Variants in ARSF observed in about 807,000 individuals in gnomAD.
ARSF encodes arylsulfatase F.
ARSF carries 33 observed loss-of-function variants against 35.4 expected under a neutral mutation model. The observed-to-expected ratio is 0.93, with a 90% CI of 0.71 to 1.25. The LOEUF is 1.25. Among genes scored for constraint, ARSF ranks in the 50% most tolerant of loss-of-function variants. The probability of loss-of-function intolerance (pLI) is 0.00; values close to 1 mark genes in which losing one functional copy is unlikely to be tolerated. For missense variants in ARSF, 501 were observed against 480.2 expected, an observed-to-expected ratio of 1.04 and a Z score of -0.40; for synonymous variants, 222 against 193.1, an observed-to-expected ratio of 1.15 and a Z score of -1.24.
At chrX:3,094,860 C>A (rs1286147207) in intron 7 of ARSF, among the ~76,000 whole-genome samples, 1 of 108,240 alleles carries the variant, frequency 9.2e-6, no homozygotes, top group African/African-American at 3.3e-5. Flanking sequence ...TAACTTAACC[C>A]TTTATAATAT....
chrX:3,088,430 C>T (rs1032569621), intron 6 of ARSF, among the ~76,000 whole-genome samples: 2 of 111,781 alleles, frequency 1.8e-5, no homozygotes, highest in African/African-American at 6.5e-5. Context: ...GTGATGGTGT[C>T]ACAGGACTAC....
At chrX:3,086,738 A>C (rs1470050557) in intron 6 of ARSF, among the ~76,000 whole-genome samples, 1 of 111,730 alleles carries the variant, frequency 9.0e-6, no homozygotes, top group Non-Finnish European at 1.9e-5. Flanking sequence ...GGATTAGTTG[A>C]GCCTGGGAGG....
chrX:3,095,751 T>C (rs73193045), intron 7 of ARSF, among the ~76,000 whole-genome samples: 2,401 of 110,079 alleles, frequency 0.022, 30 homozygotes, highest in Middle Eastern at 0.039. Flanking sequence ...ATTTTTACTT[T>C]TAAGCATAAT....
chrX:3,050,036 A>G (rs2147474931), intron 1 of ARSF, among the ~76,000 whole-genome samples: 1 of 109,790 alleles, frequency 9.1e-6, no homozygotes, highest in East Asian at 2.9e-4. Context: ...ATTTTTTTGT[A>G]TTTTTAGTAG....
chrX:3,085,012 G>A (rs938359573), intron 6 of ARSF, among the ~76,000 whole-genome samples: 2 of 110,858 alleles, frequency 1.8e-5, no homozygotes, highest in Non-Finnish European at 3.8e-5. Context: ...TTAGGAAATG[G>A]AATATTGCTA....
At chrX:3,048,017 C>G (rs1297260695) in intron 1 of ARSF, among the ~76,000 whole-genome samples, 1 of 110,891 alleles carries the variant, frequency 9.0e-6, no homozygotes, top group African/African-American at 3.3e-5. Context: ...CCTTGTAAAA[C>G]CATCAGATCT....
rs374014933 is a variant in ARSF, at chrX:3,090,915, C to CT, written c.967+1296dup. On this transcript the variant is annotated intron_variant, in intron 7 of 10. Coordinates refer to ENST00000381127, the MANE Select transcript of ARSF (RefSeq NM_001201539.2). The stretch of plus-strand genomic sequence containing the variant: ...GTGATGAACATATGAGTGCACATGT[C>CT]TTTTTTTTTTTTTGAGACAAGATCT... 8.3e-3 allele frequency among the ~76,000 whole-genome samples: 841 copies of CT among 101,851 alleles called. 5 individuals are homozygous for CT. Among genetic ancestry groups the CT allele is most frequent in the African/African-American group, 0.025 (708 of 28,137 alleles). The allele number at this position is 101,851 out of a possible 115,157, so 88.4% of individuals were successfully genotyped here.
upstream of ARSF, among the ~76,000 whole-genome samples, chrX:3,041,299 C>CTTTTTTTTTTTT (rs35885735): frequency 2.3e-5 from 2 of 87,425 alleles, no homozygotes; most frequent in South Asian, 5.9e-4. Context: ...TTTTCTTTTT[C>CTTTTTTTTTTTT]TTTTTTTTTT....
chrX:3,062,323 A>G (rs893349061), intron 1 of ARSF, among the ~76,000 whole-genome samples: 5 of 112,310 alleles, frequency 4.5e-5, no homozygotes, highest in African/African-American at 1.6e-4. Context: ...GGAAATTTAT[A>G]GCACTAAATG....
At chrX:3,104,770 C>CTT (rs1326087548) in intron 9 of ARSF, among the ~76,000 whole-genome samples, 1 of 111,830 alleles carries the variant, frequency 8.9e-6, no homozygotes, top group East Asian at 2.8e-4. Context: ...ATCTTAGATA[C>CTT]TTTAACATTT....
At chrX:3,088,512 T>G (rs2090264843) in intron 6 of ARSF, among the ~76,000 whole-genome samples, 1 of 110,941 alleles carries the variant, frequency 9.0e-6, no homozygotes, top group Non-Finnish European at 1.9e-5. Context: ...AGAGAAAGGT[T>G]TAATAATTGC....
chrX:3,091,003 T>C (rs1234248023), intron 7 of ARSF, among the ~76,000 whole-genome samples: 5 of 107,942 alleles, frequency 4.6e-5, no homozygotes, highest in Non-Finnish European at 9.6e-5. Flanking sequence ...CTCTGCCTCC[T>C]GAGCTAATGC....
At chrX:3,043,481 CA>C (rs781732827) in intron 1 of ARSF, among the ~76,000 whole-genome samples, 15 of 111,898 alleles carry the variant, frequency 1.3e-4, no homozygotes, top group Non-Finnish European at 2.8e-4. Context: ...CTGATGTACT[CA>C]GTGAAATTGC....
chrX:3,043,763 T>G (rs1233749571), intron 1 of ARSF, among the ~76,000 whole-genome samples: 1 of 110,876 alleles, frequency 9.0e-6, no homozygotes, highest in Non-Finnish European at 1.9e-5. Flanking sequence ...TATAAGTTTA[T>G]TTATTGTCTG....
rs1170326692 is a variant in ARSF at position 3,068,083 on chromosome X, G to A, written c.-18G>A. The A allele has an allele frequency of 7.6e-6, 9 of 1,190,394 alleles. No homozygotes were observed. Among genetic ancestry groups the A allele is most frequent in the African/African-American group, 5.4e-5 (3 of 55,076 alleles). On this transcript the variant is annotated 5_prime_UTR_variant, in exon 2 of 11. Coordinates refer to ENST00000381127, the MANE Select transcript of ARSF (RefSeq NM_001201539.2). ...TGTCTTCTGCCAAAGACAACAAGAA[G>A]GTATTCCAAGCTGCACAATGAGGCC...
intron 9 of ARSF, among the ~76,000 whole-genome samples, chrX:3,104,219 C>T (rs759152435): frequency 1.8e-5 from 2 of 110,961 alleles, no homozygotes; most frequent in South Asian, 3.9e-4. Flanking sequence ...TCATTTTCCT[C>T]TCATCTCTCC....
At position 3,093,815 on chromosome X, in the gene ARSF, G is replaced by C. The variant is rs759521561; in HGVS notation, c.967+4183G>C. On this transcript the variant is annotated intron_variant, in intron 7 of 10. Transcript: ENST00000381127. The stretch of plus-strand genomic sequence containing the variant: ...TTAAGTTATCTGAGAAATCTCCAAA[G>C]TGCTTTCCACAGTGGCTGAGCCAAT... 6.2e-5 allele frequency among the ~76,000 whole-genome samples: 7 copies of C among 112,072 alleles called. No homozygotes were observed. In the South Asian group the frequency reaches 1.1e-3, roughly 18 times the overall value.
chrX:3,079,422 T>C (rs2090179690), intron 4 of ARSF, among the ~76,000 whole-genome samples: 2 of 103,597 alleles, frequency 1.9e-5, no homozygotes. Context: ...CTCGGCTCAC[T>C]GCAACCTCTG....
chrX:3,082,671 T>TTC, intron 5 of ARSF, among the ~76,000 whole-genome samples: 1 of 111,948 alleles, frequency 8.9e-6, no homozygotes, highest in South Asian at 3.8e-4. Context: ...TTCATCCACC[T>TTC]ACATATACAA....
Sources: allele counts gnomAD v4.1 joint callset (sites outside exome capture counted in the v4.1 genomes callset), GRCh38; gene constraint gnomAD v4.1.1; transcripts MANE v1.5; gene names NCBI Gene and HGNC (gene_info 2026-07-23, HGNC 2026-07-21).